Variants in ARHGAP44 observed in about 807,000 individuals in gnomAD.
ARHGAP44 encodes Rho GTPase activating protein 44, also known as rho GTPase-activating protein 44.
Under a neutral mutation model 106.8 loss-of-function variants are expected in ARHGAP44, and 43 were observed. The observed-to-expected ratio is 0.40, with a 90% CI of 0.32 to 0.52. ARHGAP44 has a LOEUF of 0.52. Among genes scored for constraint, ARHGAP44 ranks in the 20% least tolerant of loss-of-function variants. The pLI, the probability that ARHGAP44 is intolerant of heterozygous loss-of-function variation, is 0.48. For missense variants in ARHGAP44, 866 were observed against 1,050.5 expected, an observed-to-expected ratio of 0.82 and a Z score of 2.43; for synonymous variants, 439 against 410.3, an observed-to-expected ratio of 1.07 and a Z score of -0.85.
chr17:12,841,691 A>C (rs1408291177), intron 1 of ARHGAP44, among the ~76,000 whole-genome samples: 2 of 151,832 alleles, frequency 1.3e-5, no homozygotes, highest in Non-Finnish European at 2.9e-5. Flanking sequence ...AGGGACACGC[A>C]GGGGCTCCAT....
chr17:12,988,395 C>T (rs1306901147), intron 20 of ARHGAP44: 1 of 152,156 alleles, frequency 6.6e-6, no homozygotes. Flanking sequence ...GATAGCGAAC[C>T]CTGCACAGTG....
At chr17:12,849,616 C>T (rs2035682878) in intron 1 of ARHGAP44, among the ~76,000 whole-genome samples, 1 of 125,876 alleles carries the variant, frequency 7.9e-6, no homozygotes, top group Non-Finnish European at 1.6e-5. Flanking sequence ...GCGTTTTCAC[C>T]TTGGATGTGT....
intron 1 of ARHGAP44, among the ~76,000 whole-genome samples, chr17:12,808,912 T>C (rs911668312): frequency 6.6e-6 from 1 of 152,208 alleles, no homozygotes; most frequent in Non-Finnish European, 1.5e-5. Flanking sequence ...CCAAACCATG[T>C]CTTTGTGAAT....
rs568338097 is a variant in ARHGAP44, at chr17:12,879,733, T to C, written c.54-15207T>C. 3.3e-3 allele frequency among the ~76,000 whole-genome samples: 488 copies of C among 148,430 alleles called. 11 individuals carry two copies. In the East Asian group the frequency reaches 0.044, roughly 13 times the overall value. ...CACACAGTTAAAAAATATATATATA[T>C]ACACACACACACACACACTTACAAG... On this transcript the variant is annotated intron_variant, in intron 1 of 20. Transcript: ENST00000379672.
chr17:12,815,902 C>T (rs546752656), intron 1 of ARHGAP44, among the ~76,000 whole-genome samples: 7 of 152,250 alleles, frequency 4.6e-5, no homozygotes, highest in African/African-American at 1.4e-4. Flanking sequence ...GTTTCACAGT[C>T]ACTGGACAGA....
At chr17:12,931,494 T>TTTTA (rs934338678) in intron 7 of ARHGAP44, among the ~76,000 whole-genome samples, 2 of 151,922 alleles carry the variant, frequency 1.3e-5, no homozygotes, top group African/African-American at 4.8e-5. Flanking sequence ...ACTTAGTCTT[T>TTTTA]TTTATTTATT....
intron 1 of ARHGAP44, among the ~76,000 whole-genome samples, chr17:12,810,221 A>T (rs999135571): frequency 2.0e-5 from 3 of 152,190 alleles, no homozygotes; most frequent in Admixed American, 6.5e-5. Flanking sequence ...AAATCACCAC[A>T]AACTGGGTGG....
intron 4 of ARHGAP44, among the ~76,000 whole-genome samples, chr17:12,911,230 TATA>T (rs1255022213): frequency 5.9e-5 from 9 of 152,180 alleles, no homozygotes; most frequent in Admixed American, 2.6e-4. Flanking sequence ...ATGCCTATAA[TATA>T]ATGACAGAGT....
At chr17:12,868,591 TTATATATATATATATATATATA>T (rs1209692482) in intron 1 of ARHGAP44, among the ~76,000 whole-genome samples, 30 of 47,156 alleles carry the variant, frequency 6.4e-4, no homozygotes, top group African/African-American at 1.6e-3. Flanking sequence ...TATATGCATT[TTATATATATATATATATATATA>T]TATATATATA....
Position 12,980,339 on chromosome 17 carries a change from T to G in ARHGAP44, c.1939+106T>G, listed in dbSNP as rs1433810472. 4.9e-6 allele frequency: 6 copies of G among 1,219,728 alleles called. No individual in the cohort carries two copies. The East Asian group carries it at 7.6e-5, about 16-fold the overall frequency. The allele number at this position is 1,219,728 out of a possible 1,614,324, so 75.6% of individuals were successfully genotyped here. On this transcript the variant is annotated intron_variant, in intron 19 of 20. Transcript: ENST00000379672. ...ACTTGGATATTGAGAAACTGTGTGG[T>G]TTAGTGACTAATTCCCATCTGGACA...
chr17:12,974,065 C>T (rs776367078), intron 17 of ARHGAP44, 24 bp from the exon 18 acceptor site: 32 of 1,550,278 alleles, frequency 2.1e-5, no homozygotes, highest in Non-Finnish European at 2.6e-5. Context: ...CGTGGGTAAG[C>T]GGTGTCTTTG....
chr17:12,832,109 G>GT (rs996709564), intron 1 of ARHGAP44, among the ~76,000 whole-genome samples: 2 of 152,182 alleles, frequency 1.3e-5, no homozygotes, highest in Non-Finnish European at 2.9e-5. Context: ...TAGAGAAAGA[G>GT]TTTAATTCCT....
chr17:12,870,450 G>A (rs1036743015), intron 1 of ARHGAP44, among the ~76,000 whole-genome samples: 2 of 152,184 alleles, frequency 1.3e-5, no homozygotes, highest in African/African-American at 2.4e-5. Context: ...TCCAGCAGCA[G>A]TGGATGAGCA....
intron 1 of ARHGAP44, among the ~76,000 whole-genome samples, chr17:12,874,265 C>T (rs934558883): frequency 1.2e-4 from 18 of 152,216 alleles, no homozygotes; most frequent in African/African-American, 4.1e-4. Context: ...GTTTTTGTCT[C>T]ATGGCTGAAG....
chr17:12,812,605 C>T (rs946578640), intron 1 of ARHGAP44, among the ~76,000 whole-genome samples: 1 of 152,050 alleles, frequency 6.6e-6, no homozygotes, highest in African/African-American at 2.4e-5. Flanking sequence ...GCAAGATGCT[C>T]AACATGTTAT....
Position 12,937,070 on chromosome 17 carries a change from C to A in ARHGAP44, c.583-3986C>A, listed in dbSNP as rs186599293. On this transcript the variant is annotated intron_variant, in intron 7 of 20. Coordinates refer to ENST00000379672, the MANE Select transcript of ARHGAP44 (RefSeq NM_014859.6). Reference sequence around the variant, plus strand: ...TGATCGGTCTCTTTCTTTTGGTGAGCCTGTGCCTTAGGGCTGTGAATTTCA... The same window carrying A: ...TGATCGGTCTCTTTCTTTTGGTGAGACTGTGCCTTAGGGCTGTGAATTTCA... Among the ~76,000 whole-genome samples, 10 of 152,250 alleles carry A rather than the reference C, an allele frequency of 6.6e-5. No homozygotes were observed. In the East Asian group the frequency reaches 1.9e-3, roughly 29 times the overall value.
At chr17:12,928,537 A>C (rs1336850521) in intron 6 of ARHGAP44, among the ~76,000 whole-genome samples, 1 of 152,194 alleles carries the variant, frequency 6.6e-6, no homozygotes, top group African/African-American at 2.4e-5. Context: ...ACATGTGTAC[A>C]TATATCCCAA....
chr17:12,814,364 C>A (rs2034532558), intron 1 of ARHGAP44, among the ~76,000 whole-genome samples: 1 of 151,638 alleles, frequency 6.6e-6, no homozygotes, highest in Admixed American at 6.6e-5. Flanking sequence ...CCTCAGCCTC[C>A]CGAGTAGCTG....
chr17:12,981,216 G>A (rs996648233), intron 19 of ARHGAP44, among the ~76,000 whole-genome samples: 1 of 152,200 alleles, frequency 6.6e-6, no homozygotes, highest in African/African-American at 2.4e-5. Flanking sequence ...TCAGGGTACT[G>A]TAAGGACACC....
Sources: allele counts gnomAD v4.1 joint callset (sites outside exome capture counted in the v4.1 genomes callset), GRCh38; gene constraint gnomAD v4.1.1; transcripts MANE v1.5; gene names NCBI Gene and HGNC (gene_info 2026-07-23, HGNC 2026-07-21).